FDFT1: variants seen among roughly 807,000 people sequenced by gnomAD.
FDFT1 encodes the protein farnesyl-diphosphate farnesyltransferase 1, also known as squalene synthase.
A neutral mutation model predicts 46.8 loss-of-function variants in FDFT1; 68 were observed. The observed-to-expected ratio is 1.45, with a 90% CI of 1.19 to 1.78. The LOEUF is 1.78. FDFT1 is among the 40% of genes most tolerant of loss of function. The pLI is 0.00. For missense variants in FDFT1, 928 were observed against 524.4 expected (o/e 1.77, Z -7.52); for synonymous variants, 351 against 185.1 (o/e 1.90, Z -7.28).
At chr8:11,827,065 T>C (rs1464917602) in intron 5 of FDFT1, among the ~76,000 whole-genome samples, 1 of 152,228 alleles carries the variant, frequency 6.6e-6, no homozygotes, top group Non-Finnish European at 1.5e-5. Context: ...CTTTTGATAC[T>C]GATTTTGTTC....
intron 2 of FDFT1, chr8:11,809,413 T>C (rs558937791): frequency 3.3e-6 from 4 of 1,222,354 alleles, no homozygotes; most frequent in African/African-American, 1.5e-5. Flanking sequence ...ATTGGTTAAA[T>C]GCAACTCACT....
intron 1 of FDFT1, among the ~76,000 whole-genome samples, chr8:11,804,178 C>G (rs1028600345): frequency 6.6e-6 from 1 of 152,190 alleles, no homozygotes; most frequent in Non-Finnish European, 1.5e-5. Context: ...AGCGAATGTA[C>G]AGTTTTTCAC....
At position 11,826,122 on chromosome 8, in the gene FDFT1, T is replaced by A. The variant is rs1394448286; in HGVS notation, c.609T>A (p.Arg203=). 2 of 1,610,204 alleles carry A rather than the reference T, an allele frequency of 1.2e-6. No homozygotes were observed. Among genetic ancestry groups the A allele is most frequent in the Non-Finnish European group, 1.7e-6 (2 of 1,177,002 alleles). ...EDPLVGEDTE[R]ANSMGLFLQK... is the part of the protein sequence containing the mutation. ...CCTTAGTTGGTGAAGATACAGAACG[T>A]GCCAACTCTATGGGCCTGTTTTTGC... Residue 203 remains arginine, a synonymous_variant, in exon 5 of 8, where the codon CGT becomes CGA. Transcript: ENST00000220584.
At chr8:11,831,980 G>T (rs986567109) in intron 7 of FDFT1, among the ~76,000 whole-genome samples, 2 of 152,180 alleles carry the variant, frequency 1.3e-5, no homozygotes, top group Non-Finnish European at 2.9e-5. Flanking sequence ...CTTGTTGCTG[G>T]TGAGGAATGT....
intron 3 of FDFT1, among the ~76,000 whole-genome samples, chr8:11,816,211 C>T (rs992817579): frequency 8.5e-5 from 13 of 152,110 alleles, no homozygotes; most frequent in South Asian, 4.1e-4. Flanking sequence ...GCCTCTGTTC[C>T]GTTCCATTGG....
intron 3 of FDFT1, 147 bp from the exon 4 acceptor site, chr8:11,821,603 A>G: frequency 1.0e-6 from 1 of 956,122 alleles, no homozygotes; most frequent in Non-Finnish European, 1.5e-6. Context: ...AAACAAAAAC[A>G]AAAACAAAAA....
intron 3 of FDFT1, among the ~76,000 whole-genome samples, chr8:11,813,401 C>G (rs1272837817): frequency 6.6e-5 from 10 of 152,108 alleles, no homozygotes; most frequent in Non-Finnish European, 1.3e-4. Flanking sequence ...TTAATTTACT[C>G]TTTGTGTTAT....
chr8:11,804,062 A>G (rs1806486558), intron 1 of FDFT1, among the ~76,000 whole-genome samples: 1 of 152,256 alleles, frequency 6.6e-6, no homozygotes, highest in African/African-American at 2.4e-5. Flanking sequence ...GACCAGTTGT[A>G]TATCAGATAG....
intron 2 of FDFT1, 188 bp downstream of exon 2, chr8:11,809,079 T>G: frequency 2.4e-6 from 3 of 1,269,840 alleles, no homozygotes; most frequent in South Asian, 1.8e-5. Context: ...TCTAGTAGAG[T>G]CCCTGCGGGC....
chr8:11,827,683 C>T (rs1810192384), intron 5 of FDFT1, among the ~76,000 whole-genome samples: 1 of 152,102 alleles, frequency 6.6e-6, no homozygotes, highest in South Asian at 2.1e-4. Context: ...CAGGAAGAGA[C>T]ACACAGATGA....
At chr8:11,819,362 T>G (rs967734633) in intron 3 of FDFT1, among the ~76,000 whole-genome samples, 6 of 152,200 alleles carry the variant, frequency 3.9e-5, no homozygotes, top group Admixed American at 2.0e-4. Context: ...CTTTGTGGTG[T>G]TCTCTGTATT....
upstream of FDFT1, chr8:11,802,400 T>G (rs1204676768): frequency 8.8e-6 from 4 of 456,968 alleles, no homozygotes; most frequent in South Asian, 1.5e-5. Context: ...CTCCTGCGCA[T>G]CCTAAGCCCC....
At chr8:11,821,487 A>G (rs188458618) in intron 3 of FDFT1, among the ~76,000 whole-genome samples, 2 of 152,312 alleles carry the variant, frequency 1.3e-5, no homozygotes, top group Admixed American at 1.3e-4. Flanking sequence ...GCTCCTGGAG[A>G]GGCTGAGGCA....
At chr8:11,811,376 T>A (rs1807686730) in intron 3 of FDFT1, among the ~76,000 whole-genome samples, 1 of 152,222 alleles carries the variant, frequency 6.6e-6, no homozygotes, top group African/African-American at 2.4e-5. Context: ...ACAGCCAAAT[T>A]ACATTTGACT....
chr8:11,810,354 G>T (rs564019586), intron 3 of FDFT1, among the ~76,000 whole-genome samples: 1 of 152,256 alleles, frequency 6.6e-6, no homozygotes, highest in South Asian at 2.1e-4. Context: ...CTGGTAGCAT[G>T]GGACTGCTGC....
At chr8:11,812,984 A>G (rs1354581840) in intron 3 of FDFT1, among the ~76,000 whole-genome samples, 1 of 152,228 alleles carries the variant, frequency 6.6e-6, no homozygotes, top group Non-Finnish European at 1.5e-5. Context: ...GTACTTACAC[A>G]TACCAAGATG....
chr8:11,838,243 G>C, intron 7 of FDFT1, 145 bp from the exon 8 acceptor site: 1 of 669,894 alleles, frequency 1.5e-6, no homozygotes, highest in East Asian at 2.8e-5. Flanking sequence ...GATGGCTTTG[G>C]GTAAGTTATG....
chr8:11,801,358 C>A (rs930599193), upstream of FDFT1, among the ~76,000 whole-genome samples: 5 of 152,184 alleles, frequency 3.3e-5, no homozygotes, highest in African/African-American at 1.2e-4. Context: ...TCGCTCTTGT[C>A]CCCCAGGCTG....
chr8:11,800,483 C>T (rs1263068905), upstream of FDFT1, among the ~76,000 whole-genome samples: 1 of 151,842 alleles, frequency 6.6e-6, no homozygotes, highest in Non-Finnish European at 1.5e-5. Context: ...GTATTTGTCC[C>T]GATTGGCTAG....
Sources: gnomAD v4.1 joint callset for allele counts (sites outside exome capture counted in the v4.1 genomes callset) on GRCh38, gnomAD v4.1.1 for gene constraint, MANE v1.5 for transcripts, NCBI Gene and HGNC (gene_info 2026-07-23, HGNC 2026-07-21) for gene names.